The following INSIG1 variants were observed in gnomAD, a reference collection of about 807,000 sequenced individuals.
INSIG1 encodes insulin-induced gene 1 protein.
INSIG1 carries 14 observed loss-of-function variants against 26.5 expected under a neutral mutation model. The observed-to-expected ratio is 0.53, with a 90% CI of 0.35 to 0.83. INSIG1 has a LOEUF of 0.83. Ranked by LOEUF, INSIG1 falls within the 40% of genes least tolerant of loss-of-function variation. The pLI, the probability that INSIG1 is intolerant of heterozygous loss-of-function variation, is 0.01. For missense variants in INSIG1, 272 were observed against 368.9 expected, an observed-to-expected ratio of 0.74 and a Z score of 2.15; for synonymous variants, 147 against 153.3, an observed-to-expected ratio of 0.96 and a Z score of 0.30.
At chr7:155,305,944 C>A (rs1195082612) in intron 5 of INSIG1, among the ~76,000 whole-genome samples, 2 of 152,198 alleles carry the variant, frequency 1.3e-5, no homozygotes, top group Admixed American at 6.5e-5. Context: ...GAAAATACAG[C>A]AGAAACATTT....
chr7:155,298,301 G>C lies in INSIG1; in HGVS notation c.16G>C (p.Asp6His), dbSNP rs777657402. The change falls in exon 2 of 6, where the codon GAC (aspartate) becomes CAC (histidine). Residue 6 changes from aspartate (D) to histidine (H), a missense_variant. This residue lies in a region of INSIG1 where 161 missense variants were observed against 179.2 expected (regional missense o/e 0.90). Transcript: ENST00000340368. MPRLH[D>H]HFWSCSCAHS... ...CGTGTGACCGATGCCCAGATTGCACGACCACTTCTGGAGCTGCTCCTGTGC... is the reference window on the plus strand; with the variant it reads ...CGTGTGACCGATGCCCAGATTGCACCACCACTTCTGGAGCTGCTCCTGTGC... 2 of 1,488,302 alleles carry C rather than the reference G, an allele frequency of 1.3e-6. No homozygotes were observed. Among genetic ancestry groups the C allele is most frequent in the East Asian group, 5.0e-5 (2 of 40,012 alleles). 92.2% of individuals were successfully genotyped at this position (1,488,302 alleles called of 1,614,324 possible). A position where few individuals can be genotyped will look rare whatever the true frequency, so the allele number is the denominator to read the frequency against.
At chr7:155,305,287 C>G (rs1419501484) in intron 5 of INSIG1, among the ~76,000 whole-genome samples, 1 of 152,148 alleles carries the variant, frequency 6.6e-6, no homozygotes, top group Non-Finnish European at 1.5e-5. Flanking sequence ...AAATCCTTAC[C>G]TCTGGATCCC....
rs780312515 is a variant in INSIG1 at position 155,301,681 on chromosome 7, C to T, written c.528C>T (p.His176=). ...RCIAVFVGIN[H]ASAKLDFANN... ...TAGCAGTTTTTGTTGGCATTAACCA[C>T]GCCAGTGCTGTATCCTTAATTTTCT... The change falls in exon 3 of 6, where the codon CAC becomes CAT. Residue 176 remains histidine (H), a synonymous_variant. Transcript: ENST00000340368. The T allele has an allele frequency of 8.9e-6, 14 of 1,581,920 alleles. No individual in the cohort carries two copies. Among genetic ancestry groups the T allele is most frequent in the African/African-American group, 5.4e-5 (4 of 74,516 alleles).
chr7:155,304,320 T>C (rs955278138), intron 5 of INSIG1, among the ~76,000 whole-genome samples: 10 of 152,366 alleles, frequency 6.6e-5, no homozygotes, highest in Middle Eastern at 3.4e-3. Context: ...GTTGTTTTCA[T>C]GCATTCGCCA....
chr7:155,307,018 C>A (rs1797955780), intron 5 of INSIG1, among the ~76,000 whole-genome samples: 1 of 152,214 alleles, frequency 6.6e-6, no homozygotes, highest in Admixed American at 6.5e-5. Context: ...AGTCCACTTC[C>A]CATTTATTTA....
At chr7:155,301,152 G>A (rs1797774044) in intron 2 of INSIG1, among the ~76,000 whole-genome samples, 1 of 152,228 alleles carries the variant, frequency 6.6e-6, no homozygotes, top group Non-Finnish European at 1.5e-5. Flanking sequence ...ACAGGGTGTG[G>A]ACAGATGCTA....
At chr7:155,301,786 A>G in intron 3 of INSIG1, 96 bp downstream of exon 3, 3 of 1,175,500 alleles carry the variant, frequency 2.6e-6, no homozygotes, top group African/African-American at 3.1e-5. Flanking sequence ...TCCATGTCAT[A>G]ATACAGACAT....
At chr7:155,301,439 G>C (rs1797782199) in intron 2 of INSIG1, 127 bp from the exon 3 acceptor site, 1 of 815,016 alleles carries the variant, frequency 1.2e-6, no homozygotes, top group Non-Finnish European at 1.8e-6. Context: ...TCACTCTGAA[G>C]TTATAGCTGA....
chr7:155,302,614 C>A lies in INSIG1; in HGVS notation c.705-133C>A. On this transcript the variant is annotated intron_variant, in intron 4 of 5. Transcript: ENST00000340368. This position sits in a 1 kb window ranked among gnomAD's most constrained non-coding sequence, Gnocchi z 4.3. ...AAAACCAAGTAGTAGCAGTTACAAC[C>A]AAACAAATATGAACATTCGTAACAT... is the stretch of plus-strand genomic sequence containing the variant. The A allele has an allele frequency of 1.1e-6, 1 of 891,388 alleles. No homozygotes were observed. Among genetic ancestry groups the A allele is most frequent in the Non-Finnish European group, 1.7e-6 (1 of 572,650 alleles). The allele number at this position is 891,388 out of a possible 1,614,324, so 55.2% of individuals were successfully genotyped here.
At chr7:155,298,124 C>T in intron 1 of INSIG1, 135 bp from the exon 2 acceptor site, 3 of 628,374 alleles carry the variant, frequency 4.8e-6, no homozygotes, top group Non-Finnish European at 7.1e-6. Flanking sequence ...CCGCCGCTGG[C>T]CCCGGGCGGG....
At chr7:155,300,105 A>G (rs1048354586) in intron 2 of INSIG1, among the ~76,000 whole-genome samples, 3 of 152,200 alleles carry the variant, frequency 2.0e-5, no homozygotes, top group African/African-American at 7.2e-5. Flanking sequence ...TTTGAGAACT[A>G]TATCTAGATT....
chr7:155,300,804 C>G (rs1460072109), intron 2 of INSIG1, among the ~76,000 whole-genome samples: 1 of 152,226 alleles, frequency 6.6e-6, no homozygotes, highest in East Asian at 1.9e-4. Flanking sequence ...ACATGCAGAG[C>G]CACGTCCCAT....
At chr7:155,303,778 C>A in intron 5 of INSIG1, 1 of 1,123,092 alleles carries the variant, frequency 8.9e-7, no homozygotes, top group Non-Finnish European at 1.2e-6. Context: ...GAAAACTTAT[C>A]TTAGTACCTC....
rs1344920795 is a variant in INSIG1 at position 155,302,862 on chromosome 7, A to T, written c.804+16A>T. The T allele has an allele frequency of 6.6e-7, 1 of 1,513,542 alleles. No homozygotes were observed. The highest frequency in any genetic ancestry group is 9.2e-7 in the Non-Finnish European group (1 of 1,089,130). 93.8% of individuals were successfully genotyped at this position (1,513,542 alleles called of 1,614,324 possible). On this transcript the variant is annotated intron_variant, in intron 5 of 5. Coordinates refer to ENST00000340368, the MANE Select transcript of INSIG1 (RefSeq NM_005542.6). This position sits in a 1 kb window ranked among gnomAD's most constrained non-coding sequence, Gnocchi z 4.3. ...GTTAGCTATGGTAAGTGAAATGATC[A>T]TATTATCTTCTAAAACTTGCGTCTC... is the stretch of plus-strand genomic sequence containing the variant.
At position 155,298,286 on chromosome 7, in the gene INSIG1, A is replaced by ATG. The variant is rs1181082561; in HGVS notation, c.2_3dup (p.Pro2_?1). 1.1e-5 allele frequency: 16 copies of ATG among 1,486,052 alleles called. No individual in the cohort carries two copies. Among genetic ancestry groups the ATG allele is most frequent in the Non-Finnish European group, 1.3e-5 (15 of 1,123,854 alleles). 92.1% of individuals were successfully genotyped at this position (1,486,052 alleles called of 1,614,324 possible). On this transcript the variant is annotated frameshift_variant and start_lost, in exon 2 of 6. Transcript: ENST00000340368. LOFTEE classifies it high-confidence loss of function. ...AGCGCCTCTTGGACGCGTGTGACCG[A>ATG]TGCCCAGATTGCACGACCACTTCTG...
intron 2 of INSIG1, among the ~76,000 whole-genome samples, chr7:155,301,241 T>G (rs1797776073): frequency 6.6e-6 from 1 of 152,206 alleles, no homozygotes; most frequent in Non-Finnish European, 1.5e-5. Context: ...TCTGTGTGCT[T>G]TAGGCAAATG....
At chr7:155,300,282 T>A (rs748468007) in intron 2 of INSIG1, among the ~76,000 whole-genome samples, 1 of 152,212 alleles carries the variant, frequency 6.6e-6, no homozygotes, top group Non-Finnish European at 1.5e-5. Context: ...TACTTTTTTT[T>A]AAACCATCAG....
intron 2 of INSIG1, among the ~76,000 whole-genome samples, chr7:155,299,981 A>G (rs1768937360): frequency 6.6e-6 from 1 of 151,972 alleles, no homozygotes; most frequent in Non-Finnish European, 1.5e-5. Flanking sequence ...GAACTAGGAC[A>G]GGTGTCTGTA....
chr7:155,301,651 C>G lies in INSIG1; in HGVS notation c.498C>G (p.Arg166=), dbSNP rs1797788000. The change falls in exon 3 of 6, where the codon CGC becomes CGG. Residue 166 remains arginine, a synonymous_variant. Coordinates refer to ENST00000340368, the MANE Select transcript of INSIG1 (RefSeq NM_005542.6). ...AGAGAGAATGGGCCAGTGTCATGCGCTGCATAGCAGTTTTTGTTGGCATTA... is the reference window on the plus strand; with the variant it reads ...AGAGAGAATGGGCCAGTGTCATGCGGTGCATAGCAGTTTTTGTTGGCATTA... ...KFKREWASVM[R]CIAVFVGINH... 1 of 1,604,064 alleles carries G rather than the reference C, an allele frequency of 6.2e-7. No homozygotes were observed. The highest frequency in any genetic ancestry group is 1.3e-5 in the African/African-American group (1 of 74,832).
Sources: allele counts gnomAD v4.1 joint callset (sites outside exome capture counted in the v4.1 genomes callset), GRCh38; gene constraint gnomAD v4.1.1; regional missense constraint gnomAD v4.1.1; non-coding constraint Gnocchi (gnomAD v3.1); transcripts MANE v1.5; gene names NCBI Gene and HGNC (gene_info 2026-07-23, HGNC 2026-07-21).